PLGRKT: variants seen among roughly 807,000 people sequenced by gnomAD.
PLGRKT encodes the protein plasminogen receptor (KT).
Under a neutral mutation model 18.5 loss-of-function variants are expected in PLGRKT, and 22 were observed. The observed-to-expected ratio is 1.19, with a 90% CI of 0.85 to 1.70. The LOEUF (loss-of-function observed/expected upper bound fraction) is 1.70, where lower values mean the gene tolerates loss of function less well. Ranked by LOEUF, PLGRKT falls within the 40% of genes most tolerant of loss-of-function variation. The pLI, the probability that PLGRKT is intolerant of heterozygous loss-of-function variation, is 0.00. For missense variants in PLGRKT, 235 were observed against 174.4 expected (o/e 1.35, Z -1.96); for synonymous variants, 72 against 52.8 (o/e 1.36, Z -1.58).
chr9:5,413,244 G>T (rs1448958822), intron 3 of PLGRKT, among the ~76,000 whole-genome samples: 1 of 152,108 alleles, frequency 6.6e-6, no homozygotes, highest in Non-Finnish European at 1.5e-5. Context: ...ATAAAAATAT[G>T]AAAGAACAAA....
rs777409820 is a variant in PLGRKT at position 5,371,908 on chromosome 9, G to C, written c.82-10020C>G. 1.3e-4 allele frequency among the ~76,000 whole-genome samples: 19 copies of C among 149,528 alleles called. 1 individual carries two copies. The highest frequency in any genetic ancestry group is 2.5e-4 in the Non-Finnish European group (17 of 67,694). On this transcript the variant is annotated intron_variant, in intron 3 of 5. Transcript: ENST00000223864. ...ATTCTACAATACTTAGGATACCTAA[G>C]TATTATACTCTATAATAATTAGGAT...
chr9:5,410,301 T>G (rs764367877), intron 3 of PLGRKT, among the ~76,000 whole-genome samples: 9 of 151,946 alleles, frequency 5.9e-5, no homozygotes, highest in Non-Finnish European at 1.3e-4. Flanking sequence ...TTTGGGAGGC[T>G]GAGTCAAGTG....
At chr9:5,426,553 C>G (rs1047540334) in intron 3 of PLGRKT, among the ~76,000 whole-genome samples, 1 of 152,190 alleles carries the variant, frequency 6.6e-6, no homozygotes, top group South Asian at 2.1e-4. Flanking sequence ...TTCCCCTGTT[C>G]ATCCTTTCTT....
intron 3 of PLGRKT, among the ~76,000 whole-genome samples, chr9:5,377,304 TGAAA>T (rs1817649003): frequency 6.6e-6 from 1 of 152,004 alleles, no homozygotes; most frequent in Non-Finnish European, 1.5e-5. Context: ...AAGGCTGTTT[TGAAA>T]TAATAGTACT....
In PLGRKT at chr9:5,408,125, A is replaced by G. The variant is rs549455964; in HGVS notation, c.81+23772T>C. Among the ~76,000 whole-genome samples, 389 of 152,360 alleles carry G rather than the reference A, an allele frequency of 2.6e-3. 2 individuals carry two copies. The highest frequency in any genetic ancestry group is 9.0e-3 in the African/African-American group (376 of 41,574). On this transcript the variant is annotated intron_variant, in intron 3 of 5. Transcript: ENST00000223864. ...ATTTTAGATTATATTTTGCTATAAAATCATATTATCTTGTTCACACTGAAA... is the reference window on the plus strand; with the variant it reads ...ATTTTAGATTATATTTTGCTATAAAGTCATATTATCTTGTTCACACTGAAA...
chr9:5,368,665 T>G (rs1160269772), intron 3 of PLGRKT, among the ~76,000 whole-genome samples: 1 of 152,162 alleles, frequency 6.6e-6, no homozygotes, highest in African/African-American at 2.4e-5. Context: ...GAATCATTCG[T>G]ACCCCAAACT....
chr9:5,437,009 C>A (rs891732908), intron 1 of PLGRKT, among the ~76,000 whole-genome samples: 1 of 152,160 alleles, frequency 6.6e-6, no homozygotes, highest in Admixed American at 6.5e-5. Flanking sequence ...CAATTTTAAA[C>A]ATCACTGTGT....
intron 3 of PLGRKT, among the ~76,000 whole-genome samples, chr9:5,424,668 T>TTATATATATATATATATATATATA (rs375682412): frequency 6.1e-4 from 69 of 113,120 alleles, no homozygotes; most frequent in African/African-American, 2.6e-3. Context: ...ATTATATATT[T>TTATATATATATATATATATATATA]TATATATATA....
Position 5,418,226 on chromosome 9 carries a change from G to T in PLGRKT, c.81+13671C>A. 1 of 324,800 alleles carries T rather than the reference G, an allele frequency of 3.1e-6. No homozygotes were observed. Among genetic ancestry groups the T allele is most frequent in the Non-Finnish European group, 5.9e-6 (1 of 169,902 alleles). The allele number at this position is 324,800 out of a possible 1,614,324, so 20.1% of individuals were successfully genotyped here. A position where few individuals can be genotyped will look rare whatever the true frequency, so the allele number is the denominator to read the frequency against. On this transcript the variant is annotated intron_variant, in intron 3 of 5. Transcript: ENST00000223864. The surrounding 1 kb of genome is among the most constrained non-coding windows in gnomAD (Gnocchi z 4.2). ...ACCTTCTGCCCTTCATGTCTGTCTT[G>T]CGGTAAATCAAGAGGCAAACCAGAG...
intron 3 of PLGRKT, among the ~76,000 whole-genome samples, chr9:5,378,140 T>C (rs1817667050): frequency 6.6e-6 from 1 of 152,104 alleles, no homozygotes; most frequent in African/African-American, 2.4e-5. Flanking sequence ...CATCATACAT[T>C]TGAACAGGCA....
chr9:5,422,875 T>C (rs1818604432), intron 3 of PLGRKT, among the ~76,000 whole-genome samples: 1 of 152,226 alleles, frequency 6.6e-6, no homozygotes, highest in Admixed American at 6.5e-5. Flanking sequence ...ACATGCACTT[T>C]AGCAAGTTAG....
chr9:5,399,327 G>GT (rs1211690561), intron 3 of PLGRKT, among the ~76,000 whole-genome samples: 1 of 151,852 alleles, frequency 6.6e-6, no homozygotes, highest in Non-Finnish European at 1.5e-5. Flanking sequence ...TCCTACAGTA[G>GT]TTTCCCCCCT....
chr9:5,398,230 C>A (rs1353598685), intron 3 of PLGRKT, among the ~76,000 whole-genome samples: 3 of 151,784 alleles, frequency 2.0e-5, no homozygotes, highest in African/African-American at 7.3e-5. Flanking sequence ...GGTGGGTTAC[C>A]CTCCAGCAGT....
chr9:5,386,337 A>C lies in PLGRKT; in HGVS notation c.82-24449T>G, dbSNP rs1177657729. On this transcript the variant is annotated intron_variant, in intron 3 of 5. Transcript: ENST00000223864. ...GATACCTTTAGGATATTTTAGCCTC[A>C]AAGTAGTGGTTCTCAACCAGGCATG... 2.0e-5 allele frequency among the ~76,000 whole-genome samples: 3 copies of C among 151,998 alleles called. No individual in the cohort carries two copies. In the East Asian group the frequency reaches 5.8e-4, roughly 29 times the overall value.
intron 3 of PLGRKT, among the ~76,000 whole-genome samples, chr9:5,379,793 G>A (rs1332206955): frequency 6.6e-6 from 1 of 152,132 alleles, no homozygotes; most frequent in Non-Finnish European, 1.5e-5. Flanking sequence ...GTGCACTCAT[G>A]CACTATTTTT....
At chr9:5,361,608 G>A (rs756784975) in intron 4 of PLGRKT, 150 bp downstream of exon 4, 2 of 671,158 alleles carry the variant, frequency 3.0e-6, no homozygotes, top group Non-Finnish European at 4.9e-6. Context: ...CTTTCACAGA[G>A]TTACCCCCAA....
At chr9:5,405,308 T>A (rs1450948265) in intron 3 of PLGRKT, among the ~76,000 whole-genome samples, 1 of 152,180 alleles carries the variant, frequency 6.6e-6, no homozygotes, top group Non-Finnish European at 1.5e-5. Flanking sequence ...AAGACAATCC[T>A]AAGCAAAAAG....
chr9:5,411,104 C>T (rs1290356663), intron 3 of PLGRKT, among the ~76,000 whole-genome samples: 1 of 152,010 alleles, frequency 6.6e-6, no homozygotes. Flanking sequence ...TGGAAACAGG[C>T]CAGTTGCGGT....
chr9:5,431,842 G>A, intron 3 of PLGRKT, 55 bp downstream of exon 3: 1 of 831,468 alleles, frequency 1.2e-6, no homozygotes, highest in East Asian at 2.4e-5. Flanking sequence ...GAGTACATGT[G>A]GTAGAAACTT....
Sources: allele counts gnomAD v4.1 joint callset (sites outside exome capture counted in the v4.1 genomes callset), GRCh38; gene constraint gnomAD v4.1.1; non-coding constraint Gnocchi (gnomAD v3.1); transcripts MANE v1.5; gene names NCBI Gene and HGNC (gene_info 2026-07-23, HGNC 2026-07-21).